Variants in RORA observed in about 807,000 individuals in gnomAD.
RORA encodes the protein nuclear receptor ROR-alpha.
In RORA, 7 loss-of-function variants were observed where a neutral mutation model predicts 69.5. The ratio of observed to expected loss-of-function variants is 0.10; its 90% CI spans 0.06 to 0.19. The LOEUF (loss-of-function observed/expected upper bound fraction) is 0.19. Among genes scored for constraint, RORA ranks in the 10% least tolerant of loss-of-function variants. RORA has a pLI of 1.00. For missense variants in RORA, 457 were observed against 663.0 expected, an observed-to-expected ratio of 0.69 and a Z score of 3.41; for synonymous variants, 261 against 240.8, an observed-to-expected ratio of 1.08 and a Z score of -0.78.
chr15:60,516,025 ATAT>A (rs2065890075), intron 3 of RORA, among the ~76,000 whole-genome samples: 2 of 11,836 alleles, frequency 1.7e-4, no homozygotes, highest in African/African-American at 4.8e-4. Flanking sequence ...ATATATTTAT[ATAT>A]TTATATATAT....
chr15:60,713,212 C>T (rs1596147279), intron 1 of RORA, among the ~76,000 whole-genome samples: 1 of 152,150 alleles, frequency 6.6e-6, no homozygotes, highest in African/African-American at 2.4e-5. Flanking sequence ...GGAATGTTCC[C>T]CCTTAGTAGG....
chr15:60,509,389 A>G (rs2065617801), intron 5 of RORA, among the ~76,000 whole-genome samples: 1 of 152,228 alleles, frequency 6.6e-6, no homozygotes, highest in South Asian at 2.1e-4. Flanking sequence ...ACATAGAGCA[A>G]GCATGAGGGG....
intron 1 of RORA, among the ~76,000 whole-genome samples, chr15:60,739,804 G>C (rs1293783325): frequency 1.3e-5 from 2 of 152,100 alleles, no homozygotes; most frequent in Admixed American, 6.5e-5. Flanking sequence ...ACTAGGTATT[G>C]AGGAAGGAAA....
intron 2 of RORA, among the ~76,000 whole-genome samples, chr15:60,634,199 T>C (rs779155325): frequency 1.3e-5 from 2 of 152,220 alleles, no homozygotes; most frequent in Non-Finnish European, 2.9e-5. Flanking sequence ...CTATTACTTT[T>C]AGAATACGTA....
Position 60,700,295 on chromosome 15 carries a change from T to C in RORA, c.167-21609A>G, listed in dbSNP as rs537473516. Among the ~76,000 whole-genome samples, 15 of 152,336 alleles carry C rather than the reference T, an allele frequency of 9.8e-5. No homozygotes were observed. The East Asian group carries it at 2.9e-3, about 29-fold the overall frequency. ...CCAGAGGTACTAAGGGACAAAATTT[T>C]CAGCAGCAATGCATTCCTTAAAGAG... On this transcript the variant is annotated intron_variant, in intron 1 of 10. Transcript: ENST00000335670.
chr15:61,066,575 C>A (rs1265025334), intron 1 of RORA, among the ~76,000 whole-genome samples: 1 of 151,696 alleles, frequency 6.6e-6, no homozygotes, highest in Non-Finnish European at 1.5e-5. Flanking sequence ...TACAGGCATG[C>A]GCCACCACGC....
chr15:60,674,613 T>TAACA, intron 2 of RORA, among the ~76,000 whole-genome samples: 1 of 152,362 alleles, frequency 6.6e-6, no homozygotes, highest in Middle Eastern at 3.4e-3. Context: ...TTTTTATAAA[T>TAACA]AACACAGTGC....
At chr15:60,877,460 T>C (rs1253514484) in intron 1 of RORA, among the ~76,000 whole-genome samples, 2 of 152,244 alleles carry the variant, frequency 1.3e-5, no homozygotes, top group African/African-American at 4.8e-5. Flanking sequence ...TCCCCTGAGA[T>C]AGTAAGTTCT....
intron 1 of RORA, among the ~76,000 whole-genome samples, chr15:60,929,166 G>A (rs1219068777): frequency 6.6e-6 from 1 of 152,154 alleles, no homozygotes; most frequent in African/African-American, 2.4e-5. Flanking sequence ...TGTCAACAAA[G>A]AGGGTAATTT....
intron 2 of RORA, among the ~76,000 whole-genome samples, chr15:60,590,264 C>G (rs1012305724): frequency 6.6e-6 from 1 of 151,588 alleles, no homozygotes; most frequent in Non-Finnish European, 1.5e-5. Context: ...TTTTTCAAAG[C>G]ACAATACTAT....
At chr15:60,739,173 C>G (rs1012486989) in intron 1 of RORA, among the ~76,000 whole-genome samples, 9 of 152,158 alleles carry the variant, frequency 5.9e-5, no homozygotes, top group African/African-American at 2.2e-4. Flanking sequence ...ATGAAAAAGT[C>G]ACTTCTTTCA....
chr15:61,070,793 T>C lies in RORA; in HGVS notation c.166+158260A>G, dbSNP rs548814995. 7.9e-5 allele frequency among the ~76,000 whole-genome samples: 12 copies of C among 152,318 alleles called. No individual in the cohort carries two copies. The South Asian group carries it at 2.5e-3, about 32-fold the overall frequency. On this transcript the variant is annotated intron_variant, in intron 1 of 10. Coordinates refer to ENST00000335670, the MANE Select transcript of RORA (RefSeq NM_134261.3). The stretch of plus-strand genomic sequence containing the variant: ...AAGGCTATCTGATAACATTTCATAC[T>C]CTTTTCAAAAACCATATTTACTACA...
chr15:61,197,345 G>A (rs893981979), intron 1 of RORA, among the ~76,000 whole-genome samples: 1 of 152,202 alleles, frequency 6.6e-6, no homozygotes, highest in African/African-American at 2.4e-5. Flanking sequence ...CCGTCTCCAG[G>A]CAAGGGCTCC....
intron 1 of RORA, among the ~76,000 whole-genome samples, chr15:60,889,062 C>T (rs1361309108): frequency 6.6e-6 from 1 of 152,226 alleles, no homozygotes; most frequent in African/African-American, 2.4e-5. Flanking sequence ...AGGCACCTCT[C>T]CTGACCCTTC....
At chr15:60,784,580 T>C (rs1464853352) in intron 1 of RORA, among the ~76,000 whole-genome samples, 2 of 152,220 alleles carry the variant, frequency 1.3e-5, no homozygotes, top group East Asian at 3.8e-4. Flanking sequence ...AGCCCAGCAC[T>C]GAGTGTACTG....
chr15:61,048,062 C>T (rs943084669), intron 1 of RORA, among the ~76,000 whole-genome samples: 2 of 152,186 alleles, frequency 1.3e-5, no homozygotes, highest in African/African-American at 4.8e-5. Context: ...AGGCTACCAG[C>T]ATTTGAATAA....
chr15:60,558,262 A>T, intron 2 of RORA: 1 of 1,612,560 alleles, frequency 6.2e-7, no homozygotes, highest in Non-Finnish European at 8.5e-7. Context: ...ACCTGAAGAC[A>T]GGATACACTG....
intron 1 of RORA, among the ~76,000 whole-genome samples, chr15:60,703,061 C>A (rs1351876142): frequency 6.6e-6 from 1 of 151,930 alleles, no homozygotes; most frequent in Non-Finnish European, 1.5e-5. Flanking sequence ...TAGATGAACC[C>A]TGTCTATCAT....
intron 2 of RORA, among the ~76,000 whole-genome samples, chr15:60,587,005 A>G (rs1567107454): frequency 6.6e-6 from 1 of 152,208 alleles, no homozygotes; most frequent in East Asian, 1.9e-4. Context: ...ACTCACAAGC[A>G]CGAGAATTCG....
Sources: allele counts gnomAD v4.1 joint callset (sites outside exome capture counted in the v4.1 genomes callset), GRCh38; gene constraint gnomAD v4.1.1; transcripts MANE v1.5; gene names NCBI Gene and HGNC (gene_info 2026-07-23, HGNC 2026-07-21).